Variants in RIMS2 observed in about 807,000 individuals in gnomAD.
RIMS2 encodes the protein regulating synaptic membrane exocytosis protein 2.
A neutral mutation model predicts 174.4 loss-of-function variants in RIMS2; 59 were observed. That is an observed-to-expected ratio of 0.34 (90% CI 0.27 to 0.42). The LOEUF is 0.42. Ranked by LOEUF, RIMS2 falls within the 10% of genes least tolerant of loss-of-function variation. RIMS2 has a pLI of 1.00. For synonymous variants in RIMS2, 606 were observed against 572.5 expected, an observed-to-expected ratio of 1.06 and a Z score of -0.84; for missense variants, 1,620 against 1,666.3, an observed-to-expected ratio of 0.97 and a Z score of 0.48.
intron 1 of RIMS2, among the ~76,000 whole-genome samples, chr8:103,642,817 T>G (rs567683198): frequency 1.4e-3 from 210 of 152,110 alleles, no homozygotes; most frequent in Non-Finnish European, 2.4e-3. Flanking sequence ...ATAAGGTGTT[T>G]GCTTTTTTTC....
chr8:104,029,966 A>G (rs2096353216), intron 19 of RIMS2, among the ~76,000 whole-genome samples: 1 of 152,280 alleles, frequency 6.6e-6, no homozygotes, highest in East Asian at 1.9e-4. Context: ...TGTTTTTTGC[A>G]TTACCGCAGA....
chr8:103,754,815 A>G (rs1486698566), intron 2 of RIMS2, among the ~76,000 whole-genome samples: 1 of 151,988 alleles, frequency 6.6e-6, no homozygotes, highest in African/African-American at 2.4e-5. Context: ...CCTTGAGCCT[A>G]TATGTGTCTC....
intron 1 of RIMS2, among the ~76,000 whole-genome samples, chr8:103,683,163 AAAG>A (rs764152155): frequency 5.9e-5 from 9 of 152,204 alleles, no homozygotes; most frequent in Non-Finnish European, 1.2e-4. Context: ...TTTATAGGGA[AAAG>A]AAGTTTATTT....
intron 2 of RIMS2, among the ~76,000 whole-genome samples, chr8:103,709,666 A>T (rs2097279897): frequency 6.6e-6 from 1 of 151,922 alleles, no homozygotes; most frequent in Non-Finnish European, 1.5e-5. Context: ...ATTCTTTTAG[A>T]TATTCTTTTT....
intron 2 of RIMS2, among the ~76,000 whole-genome samples, chr8:103,723,678 G>C (rs2097485681): frequency 6.6e-6 from 1 of 152,200 alleles, no homozygotes; most frequent in African/African-American, 2.4e-5. Flanking sequence ...GATGACTGGA[G>C]CTACCAGGTC....
intron 19 of RIMS2, among the ~76,000 whole-genome samples, chr8:104,099,425 C>T (rs2097827403): frequency 6.6e-6 from 1 of 152,138 alleles, no homozygotes; most frequent in South Asian, 2.1e-4. Context: ...CAATGAAAAC[C>T]TTATAAGCCC....
intron 1 of RIMS2, among the ~76,000 whole-genome samples, chr8:103,592,354 T>C (rs937668760): frequency 6.6e-6 from 1 of 151,262 alleles, no homozygotes; most frequent in Admixed American, 6.6e-5. Context: ...TTATTGATAG[T>C]TTGATTTACT....
At chr8:103,678,412 A>G (rs2096841039) in intron 1 of RIMS2, among the ~76,000 whole-genome samples, 1 of 152,132 alleles carries the variant, frequency 6.6e-6, no homozygotes, top group Non-Finnish European at 1.5e-5. Flanking sequence ...AATTACATAC[A>G]TGAACAAAAG....
At chr8:103,995,178 G>C (rs73295541) in intron 17 of RIMS2, among the ~76,000 whole-genome samples, 53 of 152,044 alleles carry the variant, frequency 3.5e-4, no homozygotes, top group African/African-American at 1.2e-3. Context: ...TTGAGAGAAG[G>C]CTCATCGTGA....
At chr8:103,936,639 A>C in exon 13 of RIMS2, 1 of 1,612,064 alleles carries the variant, frequency 6.2e-7, no homozygotes, top group Non-Finnish European at 8.5e-7. Context: ...AGTCCACCGA[A>C]GAGAATTTCG....
chr8:103,582,087 C>T (rs1402618353), intron 1 of RIMS2, among the ~76,000 whole-genome samples: 1 of 152,092 alleles, frequency 6.6e-6, no homozygotes, highest in Non-Finnish European at 1.5e-5. Context: ...ATTTAGAATA[C>T]CAGCTCAGCC....
intron 19 of RIMS2, among the ~76,000 whole-genome samples, chr8:104,173,800 T>C (rs1197694447): frequency 6.6e-6 from 1 of 151,186 alleles, no homozygotes; most frequent in African/African-American, 2.4e-5. Context: ...GGCTAATTTT[T>C]TGTATTTTTA....
intron 2 of RIMS2, among the ~76,000 whole-genome samples, chr8:103,735,810 T>C (rs968428281): frequency 6.6e-6 from 1 of 152,190 alleles, no homozygotes; most frequent in Non-Finnish European, 1.5e-5. Flanking sequence ...GTTTTTTTGT[T>C]AGTCCAGAGT....
At chr8:104,163,324 C>A (rs1237020236) in intron 19 of RIMS2, among the ~76,000 whole-genome samples, 1 of 152,106 alleles carries the variant, frequency 6.6e-6, no homozygotes, top group African/African-American at 2.4e-5. Context: ...ATTTATTGAA[C>A]TTCCACTGAG....
intron 1 of RIMS2, among the ~76,000 whole-genome samples, chr8:103,546,829 CA>C (rs1291237220): frequency 2.0e-5 from 3 of 152,194 alleles, no homozygotes; most frequent in Non-Finnish European, 2.9e-5. Context: ...CCCATCCTAC[CA>C]TCCTCCAATC....
chr8:104,073,996 T>C (rs1475786633), intron 19 of RIMS2, among the ~76,000 whole-genome samples: 1 of 152,222 alleles, frequency 6.6e-6, no homozygotes, highest in Non-Finnish European at 1.5e-5. Flanking sequence ...GTTTGGTCAA[T>C]TAAAATGCCA....
chr8:103,920,863 G>T, intron 9 of RIMS2: 1 of 347,898 alleles, frequency 2.9e-6, no homozygotes, highest in Non-Finnish European at 5.5e-6. Context: ...TCCGGACGTG[G>T]TGGCAGGCGC....
chr8:104,251,123 T>C, exon 23 of RIMS2: 1 of 1,613,372 alleles, frequency 6.2e-7, no homozygotes, highest in Non-Finnish European at 8.5e-7. Context: ...TACCAGCAGC[T>C]ATTATCTTTC....
chr8:103,885,384 C>T (rs1379846193), exon 4 of RIMS2: 11 of 1,612,488 alleles, frequency 6.8e-6, no homozygotes, highest in Non-Finnish European at 9.3e-6. Flanking sequence ...TATGCTACTT[C>T]GGATACCGCA....
Sources: allele counts gnomAD v4.1 joint callset (sites outside exome capture counted in the v4.1 genomes callset), GRCh38; gene constraint gnomAD v4.1.1; transcripts MANE v1.5; gene names NCBI Gene and HGNC (gene_info 2026-07-23, HGNC 2026-07-21).